The following RYK variants were observed in gnomAD, a reference collection of about 807,000 sequenced individuals.
RYK encodes inactive tyrosine-protein kinase RYK.
A neutral mutation model predicts 70.2 loss-of-function variants in RYK; 21 were observed. The ratio of observed to expected loss-of-function variants is 0.30; its 90% CI spans 0.21 to 0.43. The LOEUF (loss-of-function observed/expected upper bound fraction) is 0.43. Among genes scored for constraint, RYK ranks in the 20% least tolerant of loss-of-function variants. The pLI is 1.00. For missense variants in RYK, 604 were observed against 753.3 expected (o/e 0.80, Z 2.32); for synonymous variants, 267 against 278.0 (o/e 0.96, Z 0.39).
At chr3:134,208,949 C>G (rs2014305890) in intron 4 of RYK, among the ~76,000 whole-genome samples, 1 of 151,964 alleles carries the variant, frequency 6.6e-6, no homozygotes, top group Admixed American at 6.6e-5. Flanking sequence ...TAGATACTAA[C>G]CAATTCTACC....
chr3:134,202,909 A>C lies in RYK; in HGVS notation c.644-35T>G, dbSNP rs575239763. On this transcript the variant is annotated intron_variant, in intron 5 of 14. Transcript: ENST00000623711. ...AAACAAAAAGCACATTTAGCTTTTT[A>C]AACAAATATGACTGCTTTGTGACCC... 8.2e-6 allele frequency: 13 copies of C among 1,586,722 alleles called. No homozygotes were observed. In the African/African-American group the frequency reaches 1.5e-4, roughly 18 times the overall value.
chr3:134,201,612 A>C (rs1326648043), intron 6 of RYK, among the ~76,000 whole-genome samples: 1 of 152,206 alleles, frequency 6.6e-6, no homozygotes, highest in Non-Finnish European at 1.5e-5. Flanking sequence ...ATGGAGCTGG[A>C]ATTTGAAGAA....
chr3:134,202,771 A>G lies in RYK; in HGVS notation c.747T>C (p.Val249=), dbSNP rs1392830776. The G allele has an allele frequency of 2.5e-6, 4 of 1,613,182 alleles. No homozygotes were observed. The highest frequency in any genetic ancestry group is 1.3e-5 in the African/African-American group (1 of 74,886). ...VIFLVAIILA[V]LHLHSMKRIE... is the part of the protein sequence containing the mutation. ...TCCTTTTCATACTATGAAGGTGCAA[A>G]ACAGCTAATATTATTGCTACGAGAA... The change falls in exon 6 of 15, where the codon GTT becomes GTC. Residue 249 remains valine (V), a synonymous_variant. Coordinates refer to ENST00000623711, the MANE Select transcript of RYK (RefSeq NM_002958.4).
chr3:134,219,849 C>T (rs1311959181), intron 2 of RYK, among the ~76,000 whole-genome samples: 1 of 152,094 alleles, frequency 6.6e-6, no homozygotes, highest in African/African-American at 2.4e-5. Flanking sequence ...GGCTGAAATA[C>T]GAAACTAGTT....
chr3:134,223,053 A>G (rs1449648413), intron 1 of RYK, among the ~76,000 whole-genome samples: 2 of 152,188 alleles, frequency 1.3e-5, no homozygotes, highest in Non-Finnish European at 2.9e-5. Flanking sequence ...AGCATTTACC[A>G]TGGTACACAC....
chr3:134,189,319 A>T (rs1056403618), intron 8 of RYK, among the ~76,000 whole-genome samples: 2 of 152,190 alleles, frequency 1.3e-5, no homozygotes, highest in African/African-American at 4.8e-5. Flanking sequence ...GCAGAGCCTT[A>T]AAAAGTAGCT....
At chr3:134,179,506 T>C (rs1381761721) in intron 10 of RYK, 1 of 152,220 alleles carries the variant, frequency 6.6e-6, no homozygotes, top group Non-Finnish European at 1.5e-5. Flanking sequence ...TTCCACTTTA[T>C]ATGCAAGGAA....
At chr3:134,191,814 C>G in intron 8 of RYK, 35 bp downstream of exon 8, 1 of 1,562,036 alleles carries the variant, frequency 6.4e-7, no homozygotes, top group South Asian at 1.2e-5. Flanking sequence ...AACATTAAAT[C>G]ATACTTAAAA....
In RYK at chr3:134,177,921, T is replaced by TG; in HGVS notation, c.1305+19_1305+20insC. 1 of 1,598,376 alleles carries TG rather than the reference T, an allele frequency of 6.3e-7. No individual in the cohort carries two copies. Among genetic ancestry groups the TG allele is most frequent in the South Asian group, 1.1e-5 (1 of 87,106 alleles). On this transcript the variant is annotated intron_variant, in intron 11 of 14. Transcript: ENST00000623711. Reference sequence around the variant, plus strand: ...AGAAACTACTGGTAAATAATTGGTATTTGGGCAAATTTTTCTCACCTGTGG... The same window carrying TG: ...AGAAACTACTGGTAAATAATTGGTATGTTGGGCAAATTTTTCTCACCTGTGG...
intron 13 of RYK, among the ~76,000 whole-genome samples, chr3:134,162,270 A>G (rs1259916657): frequency 1.3e-5 from 2 of 150,948 alleles, no homozygotes; most frequent in Non-Finnish European, 1.5e-5. Flanking sequence ...GCAGGACACA[A>G]TTCAACCCAT....
At chr3:134,198,687 T>C (rs1332193093) in intron 6 of RYK, among the ~76,000 whole-genome samples, 2 of 152,128 alleles carry the variant, frequency 1.3e-5, no homozygotes, top group African/African-American at 4.8e-5. Context: ...ACAGAAAACA[T>C]AAACCAGACA....
At position 134,175,598 on chromosome 3, in the gene RYK, C is replaced by T; in HGVS notation, c.1575+11G>A. The T allele has an allele frequency of 6.2e-7, 1 of 1,611,848 alleles. No homozygotes were observed. The highest frequency in any genetic ancestry group is 8.5e-7 in the Non-Finnish European group (1 of 1,179,186). On this transcript the variant is annotated intron_variant, in intron 13 of 14. Coordinates refer to ENST00000623711, the MANE Select transcript of RYK (RefSeq NM_002958.4). ...TCTATTCTTTTGCTATCTGGGGGTC[C>T]CGGCACTTACCACATCACTAGCGCT... is the stretch of plus-strand genomic sequence containing the variant.
chr3:134,175,113 A>T (rs1460676374), intron 13 of RYK, among the ~76,000 whole-genome samples: 1 of 152,156 alleles, frequency 6.6e-6, no homozygotes, highest in Non-Finnish European at 1.5e-5. Context: ...AGGCAGGTGG[A>T]TCAACTGAGG....
At chr3:134,223,471 CAAAAAAACAAA>C (rs1051663200) in intron 1 of RYK, among the ~76,000 whole-genome samples, 2 of 151,834 alleles carry the variant, frequency 1.3e-5, no homozygotes, top group African/African-American at 4.8e-5. Context: ...AAAGAGTTAT[CAAAAAAACAAA>C]AGAAAAACAA....
intron 1 of RYK, 36 bp downstream of exon 1, chr3:134,250,387 C>T: frequency 7.5e-7 from 1 of 1,325,814 alleles, no homozygotes; most frequent in South Asian, 1.8e-5. Flanking sequence ...CCAGCCGGCC[C>T]GACCTGCCCG....
chr3:134,246,825 C>A (rs2015480126), intron 1 of RYK, among the ~76,000 whole-genome samples: 2 of 151,878 alleles, frequency 1.3e-5, no homozygotes, highest in Admixed American at 1.3e-4. Flanking sequence ...GACAGGAGAT[C>A]TAAAAAACAG....
In RYK at chr3:134,160,078, G is replaced by A. The variant is rs183160667; in HGVS notation, c.1576-705C>T. Among the ~76,000 whole-genome samples, 365 of 152,248 alleles carry A rather than the reference G, an allele frequency of 2.4e-3. 3 individuals carry two copies. Among genetic ancestry groups the A allele is most frequent in the African/African-American group, 7.1e-3 (297 of 41,540 alleles). On this transcript the variant is annotated intron_variant, in intron 13 of 14. Transcript: ENST00000623711. ...ACATGGCTGGGAAGGACTCAGATCCGGTACATCCACTGATCTGCCGCCAAG... is the reference window on the plus strand; with the variant it reads ...ACATGGCTGGGAAGGACTCAGATCCAGTACATCCACTGATCTGCCGCCAAG...
intron 1 of RYK, among the ~76,000 whole-genome samples, chr3:134,229,379 G>GAAAAAAAAAAAAAAA (rs753782991): frequency 1.6e-5 from 1 of 61,444 alleles, no homozygotes. Flanking sequence ...CCTTTGGGCT[G>GAAAAAAAAAAAAAAA]GAAAAAAAAA....
At chr3:134,244,896 A>T (rs1203447369) in intron 1 of RYK, among the ~76,000 whole-genome samples, 4 of 152,326 alleles carry the variant, frequency 2.6e-5, no homozygotes, top group South Asian at 2.1e-4. Flanking sequence ...TAGAGCCCTT[A>T]TAAAAAGACC....
Sources: allele counts gnomAD v4.1 joint callset (sites outside exome capture counted in the v4.1 genomes callset), GRCh38; gene constraint gnomAD v4.1.1; transcripts MANE v1.5; gene names NCBI Gene and HGNC (gene_info 2026-07-23, HGNC 2026-07-21).